The following MLYCD variants were observed in gnomAD, a reference collection of about 807,000 sequenced individuals.
MLYCD encodes malonyl-CoA decarboxylase, mitochondrial.
Under a neutral mutation model 35.8 loss-of-function variants are expected in MLYCD, and 27 were observed. The observed-to-expected ratio is 0.75, with a 90% CI of 0.56 to 1.04. The LOEUF is 1.04. MLYCD is among the 50% of genes least tolerant of loss of function. The probability of loss-of-function intolerance (pLI) is 0.00; values close to 1 mark genes in which losing one functional copy is unlikely to be tolerated. For missense variants in MLYCD, 917 were observed against 665.1 expected, an observed-to-expected ratio of 1.38 and a Z score of -4.17; for synonymous variants, 403 against 302.4, an observed-to-expected ratio of 1.33 and a Z score of -3.45.
intron 4 of MLYCD, 91 bp downstream of exon 4, chr16:83,912,458 C>A: frequency 1.3e-6 from 2 of 1,540,828 alleles, no homozygotes; most frequent in South Asian, 1.1e-5. Context: ...ATGAGGGACA[C>A]AGATGAAGAC....
chr16:83,900,582 ATT>A (rs1156957811), intron 1 of MLYCD, among the ~76,000 whole-genome samples: 352 of 121,044 alleles, frequency 2.9e-3, no homozygotes, highest in African/African-American at 0.01. Flanking sequence ...TGCCCGGCTA[ATT>A]TTTTTTTTTT....
chr16:83,908,378 T>A, intron 3 of MLYCD, 96 bp downstream of exon 3: 1 of 1,375,254 alleles, frequency 7.3e-7, no homozygotes, highest in Non-Finnish European at 9.8e-7. Flanking sequence ...TATCCTCCTT[T>A]TTTTTTTTTT....
Position 83,899,345 on chromosome 16 carries a change from G to A in MLYCD, c.201G>A (p.Gln67=). 1.3e-6 allele frequency: 2 copies of A among 1,521,018 alleles called. No homozygotes were observed. The highest frequency in any genetic ancestry group is 1.8e-4 in the Middle Eastern group (1 of 5,454). 94.2% of individuals were successfully genotyped at this position (1,521,018 alleles called of 1,614,324 possible). A position where few individuals can be genotyped will look rare whatever the true frequency, so the allele number is the denominator to read the frequency against. ...REKTPAPAEG[Q]CADFVSFYGG... ...AGACACCGGCGCCCGCCGAGGGTCA[G>A]TGCGCGGACTTCGTGAGCTTCTACG... is the stretch of plus-strand genomic sequence containing the variant. The change falls in exon 1 of 5, where the codon CAG becomes CAA. Residue 67 remains glutamine, a synonymous_variant. Transcript: ENST00000262430.
At chr16:83,905,532 G>C (rs990236461) in intron 1 of MLYCD, among the ~76,000 whole-genome samples, 3 of 152,152 alleles carry the variant, frequency 2.0e-5, no homozygotes, top group African/African-American at 4.8e-5. Context: ...GAATCTTGTT[G>C]CTCTGCCGAG....
At chr16:83,904,917 G>A (rs1207357512) in intron 1 of MLYCD, among the ~76,000 whole-genome samples, 1 of 151,988 alleles carries the variant, frequency 6.6e-6, no homozygotes, top group Non-Finnish European at 1.5e-5. Flanking sequence ...TCCTTCCCCG[G>A]CCCCCATGGG....
chr16:83,904,878 C>G (rs1906920441), intron 1 of MLYCD, among the ~76,000 whole-genome samples: 1 of 152,168 alleles, frequency 6.6e-6, no homozygotes, highest in South Asian at 2.1e-4. Flanking sequence ...ATCTGACTGC[C>G]CATGACTTCC....
intron 3 of MLYCD, 23 bp downstream of exon 3, chr16:83,908,305 G>A: frequency 1.2e-6 from 2 of 1,613,014 alleles, no homozygotes; most frequent in Non-Finnish European, 1.7e-6. Context: ...GTCAATTCGG[G>A]ACAAGATGGG....
At chr16:83,908,424 A>T (rs1597291375) in intron 3 of MLYCD, 142 bp downstream of exon 3, 1 of 1,122,112 alleles carries the variant, frequency 8.9e-7, no homozygotes, top group East Asian at 2.6e-5. Context: ...AAATTGGTTA[A>T]ATAAAATCTC....
intron 3 of MLYCD, among the ~76,000 whole-genome samples, chr16:83,908,782 T>C (rs1444609058): frequency 6.6e-6 from 1 of 152,212 alleles, no homozygotes; most frequent in East Asian, 1.9e-4. Context: ...GGCAAGCTGC[T>C]CTGCTCCTGG....
At chr16:83,901,953 T>C (rs190879636) in intron 1 of MLYCD, among the ~76,000 whole-genome samples, 1 of 152,246 alleles carries the variant, frequency 6.6e-6, no homozygotes, top group African/African-American at 2.4e-5. Flanking sequence ...TTGGACATAA[T>C]GGCTTCAGGA....
At chr16:83,903,991 G>A (rs1316796798) in intron 1 of MLYCD, among the ~76,000 whole-genome samples, 3 of 152,148 alleles carry the variant, frequency 2.0e-5, no homozygotes, top group Admixed American at 6.5e-5. Context: ...AGCTGCTGCC[G>A]GTGTTAGAAC....
intron 2 of MLYCD, among the ~76,000 whole-genome samples, chr16:83,907,805 A>G (rs1907034363): frequency 6.6e-6 from 1 of 152,202 alleles, no homozygotes; most frequent in Non-Finnish European, 1.5e-5. Context: ...CAAGGAAAGA[A>G]AAGACAGTGT....
intron 1 of MLYCD, among the ~76,000 whole-genome samples, chr16:83,900,582 A>AT (rs1156957811): frequency 0.059 from 7,133 of 121,026 alleles, 239 homozygotes; most frequent in Non-Finnish European, 0.078. Flanking sequence ...TGCCCGGCTA[A>AT]TTTTTTTTTT....
Position 83,899,186 on chromosome 16 carries a change from C to A in MLYCD, c.42C>A (p.Leu14=). The A allele has an allele frequency of 1.7e-6, 2 of 1,172,604 alleles. No homozygotes were observed. The highest frequency in any genetic ancestry group is 2.1e-6 in the Non-Finnish European group (2 of 953,574). 72.6% of individuals were successfully genotyped at this position (1,172,604 alleles called of 1,614,324 possible). A position where few individuals can be genotyped will look rare whatever the true frequency, so the allele number is the denominator to read the frequency against. Residue 14 remains leucine (L), a synonymous_variant, in exon 1 of 5, where the codon CTC becomes CTA. Transcript: ENST00000262430. The part of the protein sequence containing the change: ...FGPGLTARRL[L]PLRLPPRPPG... ...CAGGCTTGACGGCCAGGCGTCTCCTCCCGCTGCGGTTGCCCCCGCGGCCGC... is the reference window on the plus strand; with the variant it reads ...CAGGCTTGACGGCCAGGCGTCTCCTACCGCTGCGGTTGCCCCCGCGGCCGC...
At chr16:83,906,801 GC>G (rs1906992794) in intron 1 of MLYCD, among the ~76,000 whole-genome samples, 185 bp from the exon 2 acceptor site, 1 of 152,224 alleles carries the variant, frequency 6.6e-6, no homozygotes. Flanking sequence ...ACGAAAGAAA[GC>G]CTGACTTGGT....
rs1907404747 is a variant in MLYCD, at chr16:83,916,654, G to GCGTCTCTGTGTGTGT, written c.*1166_*1167insGTCTCTGTGTGTGTC. The GCGTCTCTGTGTGTGT allele has an allele frequency of 7.0e-6, 1 of 142,532 alleles. No homozygotes were observed. The highest frequency in any genetic ancestry group is 2.7e-5 in the African/African-American group (1 of 36,768). The allele number at this position is 142,532 out of a possible 1,614,324, so 8.8% of individuals were successfully genotyped here. ...TGCACGTCTGTGTGCGTGTGCACGA[G>GCGTCTCTGTGTGTGT]CATCTCTGTGTGTGTCAGTGCACGT... On this transcript the variant is annotated 3_prime_UTR_variant, in exon 5 of 5. Coordinates refer to ENST00000262430, the MANE Select transcript of MLYCD (RefSeq NM_012213.3).
chr16:83,916,047 GTA>G lies in MLYCD; in HGVS notation c.*559_*560del. 3 of 1,001,098 alleles carry G rather than the reference GTA, an allele frequency of 3.0e-6. No individual in the cohort carries two copies. Among genetic ancestry groups the G allele is most frequent in the Non-Finnish European group, 3.6e-6 (3 of 837,734 alleles). 62.0% of individuals were successfully genotyped at this position (1,001,098 alleles called of 1,614,324 possible). A position where few individuals can be genotyped will look rare whatever the true frequency, so the allele number is the denominator to read the frequency against. On this transcript the variant is annotated 3_prime_UTR_variant, in exon 5 of 5. Transcript: ENST00000262430. ...GTTTGTGATTTTGCACAAGGTGTGT[GTA>G]GTAAGTTAAATTGTTGAACACAAAA...
At chr16:83,902,660 C>T (rs1212243080) in intron 1 of MLYCD, among the ~76,000 whole-genome samples, 2 of 151,928 alleles carry the variant, frequency 1.3e-5, no homozygotes, top group Admixed American at 1.3e-4. Context: ...TGCTTGCCAA[C>T]ACATCTGGCT....
rs1301233395 is a variant in MLYCD, at chr16:83,921,062, G to C, written c.*5573G>C. On this transcript the variant is annotated 3_prime_UTR_variant, in exon 5 of 5. Coordinates refer to ENST00000262430, the MANE Select transcript of MLYCD (RefSeq NM_012213.3). ...GATGGGTATATGAATAGATGGCTGG[G>C]TGGGTGGAAGGAAGGAAGATGGTTG... 1 of 149,956 alleles carries C rather than the reference G, an allele frequency of 6.7e-6. No individual in the cohort carries two copies. The highest frequency in any genetic ancestry group is 1.5e-5 in the Non-Finnish European group (1 of 67,558). 9.3% of individuals were successfully genotyped at this position (149,956 alleles called of 1,614,324 possible). A position where few individuals can be genotyped will look rare whatever the true frequency, so the allele number is the denominator to read the frequency against.
Sources: allele counts gnomAD v4.1 joint callset (sites outside exome capture counted in the v4.1 genomes callset), GRCh38; gene constraint gnomAD v4.1.1; transcripts MANE v1.5; gene names NCBI Gene and HGNC (gene_info 2026-07-23, HGNC 2026-07-21).